Variants in QTRT2 observed in about 807,000 individuals in gnomAD.
QTRT2 encodes queuine tRNA-ribosyltransferase accessory subunit 2, also known as queuine tRNA-ribosyltransferase domain containing 1.
In QTRT2, 32 loss-of-function variants were observed where a neutral mutation model predicts 44.8. The observed-to-expected ratio is 0.71, with a 90% CI of 0.54 to 0.96. The LOEUF is 0.96. Ranked by LOEUF, QTRT2 falls within the 40% of genes least tolerant of loss-of-function variation. QTRT2 has a pLI of 0.00. For missense variants in QTRT2, 461 were observed against 503.1 expected (o/e 0.92, Z 0.80); for synonymous variants, 182 against 187.4 (o/e 0.97, Z 0.24).
chr3:114,060,496 G>GTAGGTAGA lies in QTRT2; in HGVS notation c.-22+3393_-22+3394insGTAGATAG, dbSNP rs74776205. Among the ~76,000 whole-genome samples, 330 of 144,534 alleles carry GTAGGTAGA rather than the reference G, an allele frequency of 2.3e-3. 1 individual carries two copies. Among genetic ancestry groups the GTAGGTAGA allele is most frequent in the African/African-American group, 6.4e-3 (243 of 37,878 alleles). 94.8% of individuals were successfully genotyped at this position (144,534 alleles called of 152,430 possible). A position where few individuals can be genotyped will look rare whatever the true frequency, so the allele number is the denominator to read the frequency against. On this transcript the variant is annotated intron_variant, in intron 2 of 9. Transcript: ENST00000281273. ...GATAGGTAGGTAGGTAGGTAGGTAGGTAGATAGATAGATAGATAGATAGAT... is the reference window on the plus strand; with the variant it reads ...GATAGGTAGGTAGGTAGGTAGGTAGGTAGGTAGATAGATAGATAGATAGATAGATAGAT...
intron 8 of QTRT2, chr3:114,082,415 G>A (rs1317141498): frequency 6.1e-5 from 13 of 211,686 alleles, no homozygotes; most frequent in Non-Finnish European, 1.3e-4. Context: ...TTGATGATAC[G>A]ATTATATGTT....
rs1446204303 is a variant in QTRT2, at chr3:114,056,881, C to T, written c.-130+17C>T. ...TGTTGGCAGGTAAGTGCCCCTTTGC[C>T]CTGCTGGTGTGGGAGCTGCTAGAGA... On this transcript the variant is annotated intron_variant, in intron 1 of 9. Transcript: ENST00000281273. 2.6e-6 allele frequency: 4 copies of T among 1,535,730 alleles called. No homozygotes were observed. Among genetic ancestry groups the T allele is most frequent in the Non-Finnish European group, 3.5e-6 (4 of 1,146,694 alleles).
chr3:114,071,566 T>C (rs2077024796), intron 6 of QTRT2, among the ~76,000 whole-genome samples: 1 of 152,224 alleles, frequency 6.6e-6, no homozygotes, highest in Non-Finnish European at 1.5e-5. Flanking sequence ...CCCAAAGTGC[T>C]GGGATTACAG....
intron 6 of QTRT2, among the ~76,000 whole-genome samples, chr3:114,072,134 C>T (rs1239239235): frequency 6.6e-6 from 1 of 152,094 alleles, no homozygotes; most frequent in Non-Finnish European, 1.5e-5. Flanking sequence ...CATTTCATTC[C>T]ATGTATCATT....
chr3:114,073,240 A>G (rs549660545), intron 6 of QTRT2, among the ~76,000 whole-genome samples: 10 of 152,266 alleles, frequency 6.6e-5, no homozygotes, highest in African/African-American at 2.4e-4. Flanking sequence ...ATGTTTGGGT[A>G]AGTAGAAAGC....
At position 114,066,101 on chromosome 3, in the gene QTRT2, G is replaced by A. The variant is rs1420573273; in HGVS notation, c.201-127G>A. 4.8e-6 allele frequency: 3 copies of A among 625,348 alleles called. 1 individual carries two copies. Among genetic ancestry groups the A allele is most frequent in the Non-Finnish European group, 8.4e-6 (3 of 355,812 alleles). The allele number at this position is 625,348 out of a possible 1,614,324, so 38.7% of individuals were successfully genotyped here. A position where few individuals can be genotyped will look rare whatever the true frequency, so the allele number is the denominator to read the frequency against. On this transcript the variant is annotated intron_variant, in intron 3 of 9. Transcript: ENST00000281273. ...TAATTAGTTAGAACTCTTGAATAAT[G>A]GTGTAATTCAAGACAGCATTTACCA...
chr3:114,084,562 G>A lies in QTRT2; in HGVS notation c.1017-1111G>A, dbSNP rs1203164983. 3.9e-5 allele frequency among the ~76,000 whole-genome samples: 6 copies of A among 152,122 alleles called. No individual in the cohort carries two copies. In the South Asian group the frequency reaches 1.0e-3, roughly 26 times the overall value. Reference sequence around the variant, plus strand: ...GTGCCACTGCACTGCACTCCAGCCTGGGTGATAGAACAAGACCCTGTTCCC... The same window carrying A: ...GTGCCACTGCACTGCACTCCAGCCTAGGTGATAGAACAAGACCCTGTTCCC... On this transcript the variant is annotated intron_variant, in intron 9 of 9. Transcript: ENST00000281273.
chr3:114,061,483 A>G (rs527895783), intron 2 of QTRT2, among the ~76,000 whole-genome samples: 1 of 152,348 alleles, frequency 6.6e-6, no homozygotes, highest in South Asian at 2.1e-4. Context: ...GAGCAGCAGC[A>G]GGTGGCTAAT....
rs1298389554 is a variant in QTRT2 at position 114,087,818 on chromosome 3, T to C, written c.*1914T>C. ...AAGACTCAGAGCAAGAAGTCACTTA[T>C]CACCAAGGGGATGGCCCAGGCCATT... is the stretch of plus-strand genomic sequence containing the variant. On this transcript the variant is annotated 3_prime_UTR_variant, in exon 10 of 10. Transcript: ENST00000281273. 5 of 152,284 alleles carry C rather than the reference T, an allele frequency of 3.3e-5. No individual in the cohort carries two copies. The highest frequency in any genetic ancestry group is 3.2e-3 in the Middle Eastern group (1 of 316). The allele number at this position is 152,284 out of a possible 1,614,324, so 9.4% of individuals were successfully genotyped here.
Position 114,066,270 on chromosome 3 carries a change from TG to T in QTRT2, c.245del (p.Gly82GlufsTer4), listed in dbSNP as rs1310780737. On this transcript the variant is annotated frameshift_variant, in exon 4 of 10. Transcript: ENST00000281273. LOFTEE classifies it high-confidence loss of function. Reference protein sequence around the residue: ...EVLTEYKEGVGKFIGMPESLL... With the variant: ...EVLTEYKEGVXKFIGMPESLL... ...TCTTGACAGAATATAAAGAAGGAGT[TG>T]GAAAGTTTATAGGTAAAAATTAAGT... 1 of 1,605,952 alleles carries T rather than the reference TG, an allele frequency of 6.2e-7. No individual in the cohort carries two copies. The highest frequency in any genetic ancestry group is 1.1e-5 in the South Asian group (1 of 90,926).
intron 6 of QTRT2, among the ~76,000 whole-genome samples, chr3:114,075,470 G>T (rs2077076807): frequency 7.0e-6 from 1 of 142,788 alleles, no homozygotes; most frequent in Non-Finnish European, 1.5e-5. Context: ...CTTTGCCTTT[G>T]TTAATGGTAT....
chr3:114,068,001 C>G lies in QTRT2; in HGVS notation c.271C>G (p.Leu91Val). ...VGKFIGMPES[L>V]LYCSLHDPVS... ...TGTTTATACAGGCATGCCAGAATCA[C>G]TCTTGTACTGCTCCCTGCACGATCC... is the stretch of plus-strand genomic sequence containing the variant. Residue 91 changes from leucine (L) to valine (V), a missense_variant, in exon 5 of 10, where the codon CTC (leucine) becomes GTC (valine). Coordinates refer to ENST00000281273, the MANE Select transcript of QTRT2 (RefSeq NM_024638.4). 1 of 1,613,788 alleles carries G rather than the reference C, an allele frequency of 6.2e-7. No individual in the cohort carries two copies. Among genetic ancestry groups the G allele is most frequent in the Non-Finnish European group, 8.5e-7 (1 of 1,179,790 alleles).
At chr3:114,075,353 T>C (rs1406114377) in intron 6 of QTRT2, among the ~76,000 whole-genome samples, 2 of 152,194 alleles carry the variant, frequency 1.3e-5, no homozygotes, top group African/African-American at 4.8e-5. Context: ...CATATTTACG[T>C]ATTGTACCTA....
At chr3:114,077,278 G>T (rs976890822) in intron 7 of QTRT2, 2 of 240,150 alleles carry the variant, frequency 8.3e-6, no homozygotes, top group Non-Finnish European at 1.6e-5. Flanking sequence ...GAGACCAAGT[G>T]TAAAGTCACA....
chr3:114,063,229 CT>C (rs1208047760), intron 2 of QTRT2, among the ~76,000 whole-genome samples: 1 of 152,188 alleles, frequency 6.6e-6, no homozygotes, highest in African/African-American at 2.4e-5. Flanking sequence ...GTGCTTCCCC[CT>C]GCTTCAATTC....
intron 8 of QTRT2, among the ~76,000 whole-genome samples, chr3:114,082,204 CCACACACACACACA>C (rs71146306): frequency 0.013 from 1,831 of 138,840 alleles, 37 homozygotes; most frequent in African/African-American, 0.041. Context: ...GATAACCCCA[CCACACACACACACA>C]CACACACACA....
chr3:114,058,214 T>C (rs901225868), intron 2 of QTRT2, among the ~76,000 whole-genome samples: 1 of 152,242 alleles, frequency 6.6e-6, no homozygotes, highest in African/African-American at 2.4e-5. Context: ...GTGAAATTAA[T>C]TTAACTTTTA....
intron 9 of QTRT2, among the ~76,000 whole-genome samples, chr3:114,085,448 C>T (rs113571083): frequency 2.6e-5 from 4 of 152,278 alleles, no homozygotes; most frequent in East Asian, 1.9e-4. Context: ...CCTCGTGATC[C>T]GCCTGCCCCG....
At chr3:114,078,768 T>A (rs2077126165) in intron 7 of QTRT2, 1 of 152,212 alleles carries the variant, frequency 6.6e-6, no homozygotes, top group African/African-American at 2.4e-5. Context: ...CAGTGAGCAT[T>A]TCCTTTCAGT....
Sources: allele counts gnomAD v4.1 joint callset (sites outside exome capture counted in the v4.1 genomes callset), GRCh38; gene constraint gnomAD v4.1.1; transcripts MANE v1.5; gene names NCBI Gene and HGNC (gene_info 2026-07-23, HGNC 2026-07-21).